TPRG1: variants seen among roughly 807,000 people sequenced by gnomAD.
TPRG1 encodes the protein tumor protein p63 regulated 1.
In TPRG1, 29 loss-of-function variants were observed where a neutral mutation model predicts 29.3. The ratio of observed to expected loss-of-function variants is 0.99; its 90% CI spans 0.74 to 1.35. TPRG1 has a LOEUF of 1.35. Among genes scored for constraint, TPRG1 ranks in the 40% most tolerant of loss-of-function variants. The pLI, the probability that TPRG1 is intolerant of heterozygous loss-of-function variation, is 0.00. For missense variants in TPRG1, 327 were observed against 335.0 expected (o/e 0.98, Z 0.19); for synonymous variants, 130 against 116.8 (o/e 1.11, Z -0.73).
intron 1 of TPRG1, among the ~76,000 whole-genome samples, chr3:189,177,992 A>C (rs1729719517): frequency 6.6e-6 from 1 of 152,174 alleles, no homozygotes; most frequent in South Asian, 2.1e-4. Context: ...GAGTCTTCCC[A>C]GGAGGAGAAA....
intron 1 of TPRG1, among the ~76,000 whole-genome samples, chr3:189,178,863 C>T (rs1560518341): frequency 1.3e-5 from 2 of 152,204 alleles, no homozygotes; most frequent in African/African-American, 2.4e-5. Context: ...CACTTCTGAG[C>T]AATGTCTCCT....
intron 3 of TPRG1, among the ~76,000 whole-genome samples, chr3:189,229,712 A>G (rs1738333656): frequency 6.6e-6 from 1 of 152,206 alleles, no homozygotes; most frequent in Non-Finnish European, 1.5e-5. Context: ...TTGAGAGAGT[A>G]GCTTTTGCTC....
chr3:189,302,615 T>G (rs1248767660), intron 4 of TPRG1, among the ~76,000 whole-genome samples: 2 of 152,226 alleles, frequency 1.3e-5, no homozygotes, highest in African/African-American at 4.8e-5. Flanking sequence ...TTTGTTTCTT[T>G]CTGACAGACA....
At chr3:189,293,354 T>C (rs781650448) in intron 4 of TPRG1, among the ~76,000 whole-genome samples, 1 of 152,108 alleles carries the variant, frequency 6.6e-6, no homozygotes, top group Non-Finnish European at 1.5e-5. Flanking sequence ...GGCTAGCCAC[T>C]TTCTTCTTTC....
At chr3:189,248,469 C>T (rs1741682956) in intron 4 of TPRG1, among the ~76,000 whole-genome samples, 1 of 151,198 alleles carries the variant, frequency 6.6e-6, no homozygotes, top group African/African-American at 2.4e-5. Context: ...TTATTTTCTA[C>T]ATTTATCTGT....
chr3:189,118,801 T>C (rs1261860504), intron 1 of TPRG1, among the ~76,000 whole-genome samples: 1 of 152,152 alleles, frequency 6.6e-6, no homozygotes, highest in Non-Finnish European at 1.5e-5. Flanking sequence ...CTTCAGAGGA[T>C]GTATGGAAAT....
At chr3:189,122,282 A>G (rs1323958752) in intron 1 of TPRG1, among the ~76,000 whole-genome samples, 1 of 152,216 alleles carries the variant, frequency 6.6e-6, no homozygotes, top group African/African-American at 2.4e-5. Flanking sequence ...TTTGTTACAC[A>G]AGCAGTTTGG....
intron 1 of TPRG1, among the ~76,000 whole-genome samples, chr3:189,119,262 A>G (rs1721545278): frequency 6.6e-6 from 1 of 152,154 alleles, no homozygotes; most frequent in Admixed American, 6.5e-5. Flanking sequence ...AATTTCTCCC[A>G]TGTAGAATGG....
intron 1 of TPRG1, among the ~76,000 whole-genome samples, chr3:189,188,669 A>G (rs982896663): frequency 5.3e-5 from 8 of 152,132 alleles, no homozygotes; most frequent in Non-Finnish European, 7.4e-5. Flanking sequence ...CTAAGCAAAC[A>G]TTCCTCCCTC....
chr3:189,204,936 C>G (rs189761576), intron 1 of TPRG1, among the ~76,000 whole-genome samples: 1 of 119,994 alleles, frequency 8.3e-6, no homozygotes, highest in Non-Finnish European at 1.8e-5. Context: ...CTCTATGTCT[C>G]TCTCTCTCTC....
chr3:189,006,096 T>C (rs764713640), intron 3 of TPRG1, among the ~76,000 whole-genome samples: 7 of 152,262 alleles, frequency 4.6e-5, no homozygotes, highest in Non-Finnish European at 8.8e-5. Flanking sequence ...CATATTTTTA[T>C]AGTTAAGAAA....
intron 1 of TPRG1, among the ~76,000 whole-genome samples, chr3:189,115,387 A>T (rs190607828): frequency 6.6e-6 from 1 of 152,220 alleles, no homozygotes; most frequent in Non-Finnish European, 1.5e-5. Context: ...AGCCTTCCAC[A>T]GTAGCTAGGG....
intron 1 of TPRG1, among the ~76,000 whole-genome samples, chr3:189,125,816 TGTGTGTG>T (rs1560467326): frequency 2.4e-4 from 4 of 16,364 alleles, no homozygotes; most frequent in South Asian, 2.7e-3. Context: ...GGGTGTTTTG[TGTGTGTG>T]TGTGTGTGTG....
At chr3:189,241,950 A>G (rs1424355003) in intron 4 of TPRG1, among the ~76,000 whole-genome samples, 1 of 152,126 alleles carries the variant, frequency 6.6e-6, no homozygotes, top group African/African-American at 2.4e-5. Context: ...GAAACAAACT[A>G]ATACAGGTAT....
At chr3:189,162,588 A>G (rs1208716656) in intron 5 of TPRG1, among the ~76,000 whole-genome samples, 3 of 152,240 alleles carry the variant, frequency 2.0e-5, no homozygotes, top group African/African-American at 7.2e-5. Context: ...ATCTGGCTCT[A>G]GCAACAGCCA....
chr3:189,076,614 G>A (rs1717188495), intron 4 of TPRG1, among the ~76,000 whole-genome samples: 2 of 151,848 alleles, frequency 1.3e-5, no homozygotes, highest in South Asian at 4.1e-4. Flanking sequence ...TAGTTTAATG[G>A]TTCCATATGG....
At chr3:189,187,986 A>T (rs1050787993) in intron 1 of TPRG1, among the ~76,000 whole-genome samples, 2 of 152,212 alleles carry the variant, frequency 1.3e-5, no homozygotes, top group African/African-American at 4.8e-5. Context: ...GCTCCAACGG[A>T]GGAAGTTATA....
rs182527821 is a variant in TPRG1 at position 189,138,661 on chromosome 3, T to A, written c.-291+5964T>A. ...CATCACTCCTGTCCATATGTATGCC[T>A]TTGGCTAGAACTTAGCCACCCAGCC... On this transcript the variant is annotated intron_variant, in intron 3 of 6. Transcript: ENST00000412373. Among the ~76,000 whole-genome samples, 3 of 152,308 alleles carry A rather than the reference T, an allele frequency of 2.0e-5. No individual in the cohort carries two copies. In the East Asian group the frequency reaches 5.8e-4, roughly 29 times the overall value.
chr3:189,094,328 T>C (rs1252158623), intron 4 of TPRG1, among the ~76,000 whole-genome samples: 2 of 152,180 alleles, frequency 1.3e-5, no homozygotes, highest in Non-Finnish European at 2.9e-5. Context: ...AATGAAGAGA[T>C]GTTCTCCAGT....
Sources: gnomAD v4.1 joint callset for allele counts (sites outside exome capture counted in the v4.1 genomes callset) on GRCh38, gnomAD v4.1.1 for gene constraint, MANE v1.5 for transcripts, NCBI Gene and HGNC (gene_info 2026-07-23, HGNC 2026-07-21) for gene names.